Variants in PADI1 observed in about 807,000 individuals in gnomAD.
The protein encoded by PADI1 is protein-arginine deiminase type-1.
In PADI1, 65 loss-of-function variants were observed where a neutral mutation model predicts 74.8. The ratio of observed to expected loss-of-function variants is 0.87; its 90% CI spans 0.71 to 1.07. PADI1 has a LOEUF of 1.07. Among genes scored for constraint, PADI1 ranks in the 50% least tolerant of loss-of-function variants. The probability of loss-of-function intolerance (pLI) is 0.00; values close to 1 mark genes in which losing one functional copy is unlikely to be tolerated. For missense variants in PADI1, 943 were observed against 854.0 expected (o/e 1.10, Z -1.30); for synonymous variants, 371 against 336.2 (o/e 1.10, Z -1.13).
chr1:17,217,850 G>A (rs1251977652), intron 1 of PADI1, among the ~76,000 whole-genome samples: 1 of 152,210 alleles, frequency 6.6e-6, no homozygotes, highest in Non-Finnish European at 1.5e-5. Flanking sequence ...GAAAGTGATG[G>A]AGACAGGTTA....
In PADI1 at chr1:17,244,713, A is replaced by T. The variant is rs1322597991; in HGVS notation, c.*470A>T. 5.7e-6 allele frequency: 2 copies of T among 348,442 alleles called. No individual in the cohort carries two copies. The highest frequency in any genetic ancestry group is 1.1e-5 in the Non-Finnish European group (2 of 177,164). 21.6% of individuals were successfully genotyped at this position (348,442 alleles called of 1,614,324 possible). ...AAAACTAGGAAAGGGGATCAGAAAC[A>T]TCCTCTCCCCGCTCTAGGTTTCTTC... On this transcript the variant is annotated 3_prime_UTR_variant, in exon 16 of 16. Transcript: ENST00000375471.
Position 17,223,641 on chromosome 1 carries a change from G to A in PADI1, c.294G>A (p.Gly98=), listed in dbSNP as rs1284492470. 6.2e-7 allele frequency: 1 copy of A among 1,613,964 alleles called. No homozygotes were observed. The highest frequency in any genetic ancestry group is 8.5e-7 in the Non-Finnish European group (1 of 1,179,882). ...TGCAGGTGAGGGTCTCCTACTTTGG[G>A]GAGCAGGAAGACCAAGCTCTGGGCC... is the stretch of plus-strand genomic sequence containing the variant. ...KDFKVRVSYF[G]EQEDQALGRS... Residue 98 remains glycine, a synonymous_variant, in exon 3 of 16, where the codon GGG becomes GGA. Transcript: ENST00000375471.
At chr1:17,219,184 A>G (rs1368063930) in intron 1 of PADI1, among the ~76,000 whole-genome samples, 1 of 152,114 alleles carries the variant, frequency 6.6e-6, no homozygotes, top group Non-Finnish European at 1.5e-5. Flanking sequence ...AGGCAGCTCA[A>G]GGGAGGGAAG....
At position 17,230,644 on chromosome 1, in the gene PADI1, A is replaced by C; in HGVS notation, c.1126A>C (p.Arg376=). 1 of 1,611,322 alleles carries C rather than the reference A, an allele frequency of 6.2e-7. No individual in the cohort carries two copies. Among genetic ancestry groups the C allele is most frequent in the Non-Finnish European group, 8.5e-7 (1 of 1,178,056 alleles). Residue 376 remains arginine (R), a synonymous_variant, in exon 10 of 16, where the codon AGG becomes CGG. Transcript: ENST00000375471. The stretch of plus-strand genomic sequence containing the variant: ...CGTGGTCTTTGACTCCCCCAGGAAC[A>C]GGGGCCTGAAAGATTTCCCCTATAA... ...FPVVFDSPRN[R]GLKDFPYKRI... is the part of the protein sequence containing the mutation.
chr1:17,219,306 C>T (rs1333010637), intron 1 of PADI1, among the ~76,000 whole-genome samples: 4 of 151,920 alleles, frequency 2.6e-5, no homozygotes, highest in Admixed American at 2.0e-4. Context: ...TGAGGGACAG[C>T]AGTGGGGGGC....
intron 11 of PADI1, among the ~76,000 whole-genome samples, chr1:17,237,009 C>T (rs1458776381): frequency 1.3e-5 from 2 of 152,162 alleles, no homozygotes; most frequent in African/African-American, 4.8e-5. Flanking sequence ...GGCCAGAGAG[C>T]TTGGCCGAGC....
Position 17,225,718 on chromosome 1 carries a change from A to G in PADI1, c.409-93A>G, listed in dbSNP as rs748255062. 333 of 808,072 alleles carry G rather than the reference A, an allele frequency of 4.1e-4. 1 individual carries two copies. The highest frequency in any genetic ancestry group is 4.9e-4 in the Non-Finnish European group (238 of 483,110). The allele number at this position is 808,072 out of a possible 1,614,324, so 50.1% of individuals were successfully genotyped here. ...CAAACTAAAAATATGAAAATCTATA[A>G]TCTAATAAAGCAGCCCGCCCTGGCC... On this transcript the variant is annotated intron_variant, in intron 4 of 15. Coordinates refer to ENST00000375471, the MANE Select transcript of PADI1 (RefSeq NM_013358.3).
At position 17,239,798 on chromosome 1, in the gene PADI1, C is replaced by A. The variant is rs770880898; in HGVS notation, c.1632+15C>A. 1 of 1,598,974 alleles carries A rather than the reference C, an allele frequency of 6.3e-7. No homozygotes were observed. The highest frequency in any genetic ancestry group is 1.1e-5 in the South Asian group (1 of 90,610). ...TTCATGCACAGGTGAGAGGCAGGAC[C>A]ACCAGCTGCTCTAAGGGGTCCTTTC... On this transcript the variant is annotated intron_variant, in intron 14 of 15. Transcript: ENST00000375471.
intron 1 of PADI1, among the ~76,000 whole-genome samples, chr1:17,210,504 T>C (rs563815689): frequency 1.3e-5 from 2 of 152,160 alleles, no homozygotes; most frequent in East Asian, 1.9e-4. Flanking sequence ...CTGTCCCTCT[T>C]CTCCAGCCTC....
At position 17,222,293 on chromosome 1, in the gene PADI1, TGTGCCCAA is replaced by T. The variant is rs1557461008; in HGVS notation, c.98_105del (p.Val33GlyfsTer38). 1 of 1,613,260 alleles carries T rather than the reference TGTGCCCAA, an allele frequency of 6.2e-7. No homozygotes were observed. Among genetic ancestry groups the T allele is most frequent in the Non-Finnish European group, 8.5e-7 (1 of 1,179,266 alleles). On this transcript the variant is annotated frameshift_variant, in exon 2 of 16. Transcript: ENST00000375471. LOFTEE classifies it high-confidence loss of function. The stretch of plus-strand genomic sequence containing the variant: ...TCCCATCTCTCTTCTCTGCCAGTGA[TGTGCCCAA>T]GGGTGCCAACAGCTTCAGGGTCTCT...
At chr1:17,228,016 G>C (rs2072370991) in intron 6 of PADI1, among the ~76,000 whole-genome samples, 2 of 152,116 alleles carry the variant, frequency 1.3e-5, no homozygotes, top group Non-Finnish European at 2.9e-5. Context: ...TTAGAGACAG[G>C]GTCTCACTCT....
Position 17,244,074 on chromosome 1 carries a change from G to A in PADI1, c.1823G>A (p.Gly608Asp). The change falls in exon 16 of 16, where the codon GGC becomes GAC. Residue 608 changes from glycine (G) to aspartate (D), a missense_variant. Coordinates refer to ENST00000375471, the MANE Select transcript of PADI1 (RefSeq NM_013358.3). ...AAGCCCTACGGGCCCATCATCAATGGCCGCTGCTGCCTGGAGGAGAAGGTG... is the reference window on the plus strand; with the variant it reads ...AAGCCCTACGGGCCCATCATCAATGACCGCTGCTGCCTGGAGGAGAAGGTG... ...IPKPYGPIIN[G>D]RCCLEEKVQS... 3 of 1,614,234 alleles carry A rather than the reference G, an allele frequency of 1.9e-6. No individual in the cohort carries two copies. Among genetic ancestry groups the A allele is most frequent in the Non-Finnish European group, 2.5e-6 (3 of 1,180,046 alleles).
intron 1 of PADI1, among the ~76,000 whole-genome samples, chr1:17,220,186 C>T (rs747437903): frequency 6.6e-6 from 1 of 151,874 alleles, no homozygotes; most frequent in East Asian, 1.9e-4. Flanking sequence ...CCCCTGCACA[C>T]TCCTGCCTCT....
At chr1:17,212,998 ATTCCTGT>A (rs2071874077) in intron 1 of PADI1, among the ~76,000 whole-genome samples, 1 of 152,190 alleles carries the variant, frequency 6.6e-6, no homozygotes, top group African/African-American at 2.4e-5. Flanking sequence ...CTCTCAACAC[ATTCCTGT>A]TTCCTTCCGA....
chr1:17,219,560 C>T (rs2072076910), intron 1 of PADI1, among the ~76,000 whole-genome samples: 1 of 152,022 alleles, frequency 6.6e-6, no homozygotes, highest in Non-Finnish European at 1.5e-5. Flanking sequence ...ACTGAGGGAC[C>T]AGGGTGCAGC....
intron 1 of PADI1, among the ~76,000 whole-genome samples, chr1:17,212,896 GC>G (rs1557450062): frequency 6.6e-6 from 1 of 152,240 alleles, no homozygotes; most frequent in Admixed American, 6.5e-5. Context: ...GGGCCAGGGG[GC>G]TGTGGCTTTC....
intron 8 of PADI1, among the ~76,000 whole-genome samples, chr1:17,229,289 C>T (rs1159353069): frequency 1.3e-5 from 2 of 152,232 alleles, no homozygotes; most frequent in South Asian, 4.1e-4. Flanking sequence ...TCTGGCTTTC[C>T]TGCCCATCCT....
intron 1 of PADI1, among the ~76,000 whole-genome samples, chr1:17,220,438 G>A (rs1050155390): frequency 2.0e-5 from 3 of 152,172 alleles, no homozygotes. Context: ...AGAATATGCA[G>A]AAGGACCCCT....
rs556931827 is a variant in PADI1 at position 17,240,536 on chromosome 1, C to T, written c.1633-99C>T. Reference sequence around the variant, plus strand: ...CTGTTGTGAGGCTTGAAGGAGCTAGCGGGCCCAGAGGGCTCCACACGGGCC... The same window carrying T: ...CTGTTGTGAGGCTTGAAGGAGCTAGTGGGCCCAGAGGGCTCCACACGGGCC... On this transcript the variant is annotated intron_variant, in intron 14 of 15. Transcript: ENST00000375471. The T allele has an allele frequency of 3.0e-5, 40 of 1,326,886 alleles. No individual in the cohort carries two copies. The Middle Eastern group carries it at 1.1e-3, about 36-fold the overall frequency. 82.2% of individuals were successfully genotyped at this position (1,326,886 alleles called of 1,614,324 possible).
Sources: allele counts gnomAD v4.1 joint callset (sites outside exome capture counted in the v4.1 genomes callset), GRCh38; gene constraint gnomAD v4.1.1; transcripts MANE v1.5; gene names NCBI Gene and HGNC (gene_info 2026-07-23, HGNC 2026-07-21).